C22orf31: variants seen among roughly 807,000 people sequenced by gnomAD.
C22orf31 encodes uncharacterized protein C22orf31.
In C22orf31, 11 loss-of-function variants were observed where a neutral mutation model predicts 15.0. The ratio of observed to expected loss-of-function variants is 0.73; its 90% confidence interval spans 0.46 to 1.21. C22orf31 has a LOEUF of 1.21. C22orf31 is among the 50% of genes most tolerant of loss of function. The pLI, the probability that C22orf31 is intolerant of heterozygous loss-of-function variation, is 0.00. For missense variants in C22orf31, 340 were observed against 347.2 expected (o/e 0.98, Z 0.17); for synonymous variants, 132 against 133.3 (o/e 0.99, Z 0.07).
Position 29,060,536 on chromosome 22 carries a change from C to A in C22orf31, c.311G>T (p.Arg104Ile), listed in dbSNP as rs766018410. 3 of 1,614,030 alleles carry A rather than the reference C, an allele frequency of 1.9e-6. No individual in the cohort carries two copies. The highest frequency in any genetic ancestry group is 1.3e-5 in the African/African-American group (1 of 74,904). Residue 104 changes from arginine (R) to isoleucine (I), a missense_variant, in exon 2 of 3, where the codon AGA (arginine) becomes ATA (isoleucine). Physicochemically the swap from Arg to Ile is moderately conservative, Grantham distance 97. Coordinates refer to ENST00000216071, the MANE Select transcript of C22orf31 (RefSeq NM_015370.2). ...CACTGAATCGTCCTTGTGCTTTAAT[C>A]TCTTCGAGAGTTTTCCTTCTCCAAA... ...CKFGEGKLSKRLKHKDDSVMK... is the reference protein window; with the variant it reads ...CKFGEGKLSKILKHKDDSVMK...
chr22:29,061,671 G>A (rs553369377), intron 1 of C22orf31, 119 bp downstream of exon 1: 42 of 690,472 alleles, frequency 6.1e-5, no homozygotes, highest in Admixed American at 2.7e-4. Flanking sequence ...TAATGCTGCC[G>A]GCCTCCATTT....
Position 29,060,634 on chromosome 22 carries a change from G to A in C22orf31, c.213C>T (p.Ala71=). The change falls in exon 2 of 3, where the codon GCC becomes GCT. Residue 71 remains alanine, a synonymous_variant. Coordinates refer to ENST00000216071, the MANE Select transcript of C22orf31 (RefSeq NM_015370.2). ...SWEVVRNPLI[A]SSFSLVKLVL... is the part of the protein sequence containing the mutation. ...CAAGCTTAACCAGGGAGAAGGAACT[G>A]GCAATTAATGGGTTCCTTACAACTT... 1 of 1,614,076 alleles carries A rather than the reference G, an allele frequency of 6.2e-7. No individual in the cohort carries two copies. Among genetic ancestry groups the A allele is most frequent in the Non-Finnish European group, 8.5e-7 (1 of 1,179,944 alleles).
upstream of C22orf31, among the ~76,000 whole-genome samples, chr22:29,062,672 A>G (rs899266582): frequency 2.0e-5 from 3 of 151,926 alleles, no homozygotes; most frequent in African/African-American, 7.3e-5. Flanking sequence ...CTGGAATCGC[A>G]TGTGTTGCCT....
At chr22:29,061,844 A>G (rs2037395289), upstream of C22orf31, 1 of 1,402,694 alleles carries the variant, frequency 7.1e-7, no homozygotes, top group East Asian at 2.3e-5. Flanking sequence ...GGGAAGAAAT[A>G]TGTATTTTCT....
upstream of C22orf31, among the ~76,000 whole-genome samples, chr22:29,062,318 G>A (rs972879205): frequency 3.3e-5 from 5 of 152,156 alleles, no homozygotes; most frequent in African/African-American, 1.2e-4. Context: ...TCTCAGAACA[G>A]CTGCCAAGGT....
intron 2 of C22orf31, chr22:29,059,930 A>C: frequency 1.0e-6 from 1 of 984,286 alleles, no homozygotes; most frequent in Non-Finnish European, 1.2e-6. Flanking sequence ...AATCTGGGGC[A>C]TTCTTCCACT....
At chr22:29,059,359 TG>T (rs1352368155) in intron 2 of C22orf31, among the ~76,000 whole-genome samples, 177 bp from the exon 3 acceptor site, 1 of 152,180 alleles carries the variant, frequency 6.6e-6, no homozygotes, top group African/African-American at 2.4e-5. Context: ...CCCATAACCC[TG>T]TGAGGTCAGC....
At position 29,058,786 on chromosome 22, in the gene C22orf31, C is replaced by A; in HGVS notation, c.829G>T (p.Glu277Ter). 6.2e-7 allele frequency: 1 copy of A among 1,614,148 alleles called. No homozygotes were observed. The highest frequency in any genetic ancestry group is 1.1e-5 in the South Asian group (1 of 91,078). Reference sequence around the variant, plus strand: ...TTGGGCCATTTCTTGAGTACAGGCTCCTCGTGGACACCTGGCTGCTTCCTG... The same window carrying A: ...TTGGGCCATTTCTTGAGTACAGGCTACTCGTGGACACCTGGCTGCTTCCTG... ...PGRKQPGVHE[E>*]PVLKKWPKLK... is the part of the protein sequence containing the mutation. The change falls in exon 3 of 3, where the codon GAG (glutamate) becomes TAG (stop). Residue 277 changes from glutamate to a stop codon, truncating the protein, a stop_gained. Transcript: ENST00000216071. LOFTEE classifies it high-confidence loss of function.
upstream of C22orf31, chr22:29,061,864 T>TTC: frequency 4.8e-6 from 6 of 1,243,912 alleles, no homozygotes; most frequent in Non-Finnish European, 6.9e-6. Flanking sequence ...TCTTTCCTTT[T>TTC]TCTCTCTCTC....
Position 29,060,495 on chromosome 22 carries a change from G to A in C22orf31, c.352C>T (p.Gln118Ter). 1 of 1,614,072 alleles carries A rather than the reference G, an allele frequency of 6.2e-7. No individual in the cohort carries two copies. The highest frequency in any genetic ancestry group is 8.5e-7 in the Non-Finnish European group (1 of 1,180,012). The part of the protein sequence containing the change: ...KDDSVMKATQ[Q>*]ARKRNFISSK... ...CTGATGAAGTTTCTTTTCCTGGCCT[G>A]CTGGGTGGCTTTCATCACTGAATCG... The change falls in exon 2 of 3, where the codon CAG becomes TAG. Residue 118 changes from glutamine to a stop codon, truncating the protein, a stop_gained. Transcript: ENST00000216071. LOFTEE classifies it high-confidence loss of function.
chr22:29,060,868 G>C (rs752830821), intron 1 of C22orf31, 25 bp from the exon 2 acceptor site: 1 of 1,584,846 alleles, frequency 6.3e-7, no homozygotes, highest in South Asian at 1.1e-5. Flanking sequence ...AGGGAGAAAT[G>C]AATTTTAAAA....
Position 29,061,826 on chromosome 22 carries a change from T to C in C22orf31, c.-34A>G, listed in dbSNP as rs1430714014. 1.3e-6 allele frequency: 2 copies of C among 1,505,980 alleles called. No individual in the cohort carries two copies. Among genetic ancestry groups the C allele is most frequent in the Admixed American group, 1.9e-5 (1 of 52,878 alleles). The allele number at this position is 1,505,980 out of a possible 1,614,324, so 93.3% of individuals were successfully genotyped here. ...TGCCTTAAATTTTATTTTCGCTAGC[T>C]TAGTAAGGGGAAGAAATATGTATTT... is the stretch of plus-strand genomic sequence containing the variant. On this transcript the variant is annotated 5_prime_UTR_variant, in exon 1 of 3. Coordinates refer to ENST00000216071, the MANE Select transcript of C22orf31 (RefSeq NM_015370.2).
chr22:29,073,896 C>T, the C22orf31 span, among the ~76,000 whole-genome samples: 2 of 152,184 alleles, frequency 1.3e-5, no homozygotes. The surrounding 1 kb of genome is among the most constrained non-coding windows in gnomAD (Gnocchi z 4.4). Flanking sequence ...GGACGACTCC[C>T]CCGCTACAAG....
At position 29,058,853 on chromosome 22, in the gene C22orf31, C is replaced by G. The variant is rs780413015; in HGVS notation, c.762G>C (p.Gln254His). The change falls in exon 3 of 3, where the codon CAG (glutamine) becomes CAC (histidine). Residue 254 changes from glutamine (Q) to histidine (H), a missense_variant. Gln to His is a conservative substitution (Grantham distance 24). Transcript: ENST00000216071. ...TCTGAGCACCTTCAGAGATGGCACC[C>G]TGACTGCAAAGAGCCTCCCAGAGCT... Reference protein sequence around the residue: ...KQKLWEALCSQGAISEGAQRD... With the variant: ...KQKLWEALCSHGAISEGAQRD... 3.0e-5 allele frequency: 48 copies of G among 1,614,058 alleles called. 2 individuals carry two copies. The South Asian group carries it at 5.3e-4, about 18-fold the overall frequency.
the C22orf31 span, among the ~76,000 whole-genome samples, chr22:29,068,412 CTTTT>C: frequency 5.5e-5 from 7 of 127,430 alleles, no homozygotes; most frequent in Admixed American, 7.9e-5. Flanking sequence ...CTTTAAATTT[CTTTT>C]TTTTTTTTTT....
At chr22:29,061,279 T>TG (rs997992915) in intron 1 of C22orf31, among the ~76,000 whole-genome samples, 1 of 151,982 alleles carries the variant, frequency 6.6e-6, no homozygotes, top group African/African-American at 2.4e-5. Context: ...TTTTTGTGTG[T>TG]GGGGGGGACG....
At chr22:29,068,697 A>ACCGTG in the C22orf31 span, among the ~76,000 whole-genome samples, 3 of 150,026 alleles carry the variant, frequency 2.0e-5, no homozygotes, top group Non-Finnish European at 3.0e-5. Flanking sequence ...GGCGTAAGCC[A>ACCGTG]CCGTGCCCGG....
At chr22:29,070,481 C>T in the C22orf31 span, among the ~76,000 whole-genome samples, 3 of 152,230 alleles carry the variant, frequency 2.0e-5, no homozygotes, top group South Asian at 2.1e-4. Flanking sequence ...TTCCAACCTC[C>T]TGGGTGCCCT....
chr22:29,058,675 G>A lies in C22orf31; in HGVS notation c.*67C>T, dbSNP rs1027434594. ...TAAAGCACTCTGCGATAACACGGAA[G>A]GTGCAAAGTTGTGTTTATTTTTCAG... On this transcript the variant is annotated 3_prime_UTR_variant, in exon 3 of 3. Transcript: ENST00000216071. 3.0e-5 allele frequency: 37 copies of A among 1,244,180 alleles called. No homozygotes were observed. The highest frequency in any genetic ancestry group is 3.6e-5 in the Non-Finnish European group (32 of 883,380). 77.1% of individuals were successfully genotyped at this position (1,244,180 alleles called of 1,614,324 possible).
Sources: allele counts gnomAD v4.1 joint callset (sites outside exome capture counted in the v4.1 genomes callset), GRCh38; gene constraint gnomAD v4.1.1; non-coding constraint Gnocchi (gnomAD v3.1); transcripts MANE v1.5; gene names NCBI Gene and HGNC (gene_info 2026-07-23, HGNC 2026-07-21).